The following BHLHA9 variants were observed in gnomAD, a reference collection of about 807,000 sequenced individuals.
BHLHA9 encodes the protein basic helix-loop-helix family member a9, also known as class A basic helix-loop-helix protein 9.
For synonymous variants in BHLHA9, 177 were observed against 179.7 expected (o/e 0.98, Z 0.12); for missense variants, 344 against 365.9 (o/e 0.94, Z 0.49).
rs1202809838 is a variant in BHLHA9, at chr17:1,271,684, C to G, written c.*413C>G. ...GGGAGCGTGGGAATGCGGGTGGGGCCTGCTGTGGTCTCGTGGGCACATGAG... is the reference window on the plus strand; with the variant it reads ...GGGAGCGTGGGAATGCGGGTGGGGCGTGCTGTGGTCTCGTGGGCACATGAG... On this transcript the variant is annotated 3_prime_UTR_variant, in exon 1 of 1. Coordinates refer to ENST00000391429, the MANE Select transcript of BHLHA9 (RefSeq NM_001164405.2). Among the ~76,000 whole-genome samples the G allele has an allele frequency of 6.6e-6, 1 of 152,270 alleles. No homozygotes were observed. The highest frequency in any genetic ancestry group is 1.9e-4 in the East Asian group (1 of 5,202).
At position 1,271,019 on chromosome 17, in the gene BHLHA9, C is replaced by T. The variant is rs1392817396; in HGVS notation, c.456C>T (p.Pro152=). 1 of 1,196,418 alleles carries T rather than the reference C, an allele frequency of 8.4e-7. No homozygotes were observed. Among genetic ancestry groups the T allele is most frequent in the African/African-American group, 1.6e-5 (1 of 62,596 alleles). 74.1% of individuals were successfully genotyped at this position (1,196,418 alleles called of 1,614,324 possible). The change falls in exon 1 of 1, where the codon CCC becomes CCT. Residue 152 remains proline, a synonymous_variant. Coordinates refer to ENST00000391429, the MANE Select transcript of BHLHA9 (RefSeq NM_001164405.2). ...ACACCGGGGACACAGGCGCCAGCCC[C>T]CCGCCGCCTGCAGGGCCCAGCCTCG... The part of the protein sequence containing the change: ...RGDTGDTGAS[P]PPPAGPSLAR...
In BHLHA9 at chr17:1,271,366, C is replaced by G; in HGVS notation, c.*95C>G. ...CAAAGGCGTCTTGGACAGAGCAGAA[C>G]TGGACCGGCTGAGACCTGGCGTGGA... On this transcript the variant is annotated 3_prime_UTR_variant, in exon 1 of 1. Coordinates refer to ENST00000391429, the MANE Select transcript of BHLHA9 (RefSeq NM_001164405.2). 1 of 883,884 alleles carries G rather than the reference C, an allele frequency of 1.1e-6. No homozygotes were observed. The highest frequency in any genetic ancestry group is 1.5e-6 in the Non-Finnish European group (1 of 658,254). The allele number at this position is 883,884 out of a possible 1,614,324, so 54.8% of individuals were successfully genotyped here. A position where few individuals can be genotyped will look rare whatever the true frequency, so the allele number is the denominator to read the frequency against.
Position 1,271,166 on chromosome 17 carries a change from C to T in BHLHA9, c.603C>T (p.Ser201=), listed in dbSNP as rs1049249975. 1.9e-5 allele frequency: 24 copies of T among 1,241,766 alleles called. 1 individual carries two copies. The South Asian group carries it at 5.6e-4, about 29-fold the overall frequency. The allele number at this position is 1,241,766 out of a possible 1,614,324, so 76.9% of individuals were successfully genotyped here. A position where few individuals can be genotyped will look rare whatever the true frequency, so the allele number is the denominator to read the frequency against. Residue 201 remains serine, a synonymous_variant, in exon 1 of 1, where the codon TCC becomes TCT. Transcript: ENST00000391429. ...AGGGGCCGGGCCTAGCACAGGCCTC[C>T]GGGGGAAGCTGGCGCCGCTGTCCGG... The part of the protein sequence containing the change: ...VAEGPGLAQA[S]GGSWRRCPGA...
rs969785953 is a variant in BHLHA9 at position 1,271,399 on chromosome 17, G to T, written c.*128G>T. On this transcript the variant is annotated 3_prime_UTR_variant, in exon 1 of 1. Transcript: ENST00000391429. The stretch of plus-strand genomic sequence containing the variant: ...GCTGAGACCTGGCGTGGAAGAGAAG[G>T]AGCTCGCCAGAGAGAAGGAGCTCCG... 2.0e-5 allele frequency: 13 copies of T among 660,736 alleles called. No homozygotes were observed. In the East Asian group the frequency reaches 2.1e-4, roughly 11 times the overall value. The allele number at this position is 660,736 out of a possible 1,614,324, so 40.9% of individuals were successfully genotyped here. A position where few individuals can be genotyped will look rare whatever the true frequency, so the allele number is the denominator to read the frequency against.
At position 1,271,022 on chromosome 17, in the gene BHLHA9, G is replaced by A; in HGVS notation, c.459G>A (p.Pro153=). The A allele has an allele frequency of 8.4e-7, 1 of 1,192,872 alleles. No homozygotes were observed. The highest frequency in any genetic ancestry group is 4.1e-5 in the South Asian group (1 of 24,288). 73.9% of individuals were successfully genotyped at this position (1,192,872 alleles called of 1,614,324 possible). Residue 153 remains proline (P), a synonymous_variant, in exon 1 of 1, where the codon CCG becomes CCA. Coordinates refer to ENST00000391429, the MANE Select transcript of BHLHA9 (RefSeq NM_001164405.2). ...CCGGGGACACAGGCGCCAGCCCCCC[G>A]CCGCCTGCAGGGCCCAGCCTCGCGC... is the stretch of plus-strand genomic sequence containing the variant. ...GDTGDTGASP[P]PPAGPSLARP... is the part of the protein sequence containing the mutation.
Position 1,270,801 on chromosome 17 carries a change from G to GA in BHLHA9, c.239dup (p.Asp80GlufsTer193). ...CGTGCGGGAGCGCAAGCGCATCCTA[G>GA]ACTACAACGAGGCCTTCAACGCGCT... On this transcript the variant is annotated frameshift_variant, in exon 1 of 1. Coordinates refer to ENST00000391429, the MANE Select transcript of BHLHA9 (RefSeq NM_001164405.2). LOFTEE classifies it low-confidence loss of function (END_TRUNC). The GA allele has an allele frequency of 6.8e-7, 1 of 1,475,234 alleles. No homozygotes were observed. The highest frequency in any genetic ancestry group is 8.9e-7 in the Non-Finnish European group (1 of 1,118,492). 91.4% of individuals were successfully genotyped at this position (1,475,234 alleles called of 1,614,324 possible).
Position 1,270,585 on chromosome 17 carries a change from C to T in BHLHA9, c.22C>T (p.Leu8=). 7.8e-7 allele frequency: 1 copy of T among 1,282,952 alleles called. No individual in the cohort carries two copies. Among genetic ancestry groups the T allele is most frequent in the South Asian group, 2.8e-5 (1 of 35,556 alleles). 79.5% of individuals were successfully genotyped at this position (1,282,952 alleles called of 1,614,324 possible). The change falls in exon 1 of 1, where the codon CTA becomes TTA. Residue 8 remains leucine (L), a synonymous_variant. Transcript: ENST00000391429. ...GGCCATGCTGCGGGGCGCGCCAGGA[C>T]TAGGCCTCACGGCGCGGAAGGGGGC... MLRGAPG[L]GLTARKGAED... is the part of the protein sequence containing the mutation.
Position 1,271,113 on chromosome 17 carries a change from C to T in BHLHA9, c.550C>T (p.Pro184Ser). ...CTGCGCCTCGTGCCCCCCGCACGCG[C>T]CCCTGGCACGGCCCAGTGCGGTGGC... ...PRCASCPPHA[P>S]LARPSAVAEG... Residue 184 changes from proline (P) to serine (S), a missense_variant, in exon 1 of 1, where the codon CCC (proline) becomes TCC (serine). Physicochemically the swap from Pro to Ser is moderately conservative, Grantham distance 74. Transcript: ENST00000391429. 8.1e-7 allele frequency: 1 copy of T among 1,238,240 alleles called. No individual in the cohort carries two copies. Among genetic ancestry groups the T allele is most frequent in the Non-Finnish European group, 1.0e-6 (1 of 994,406 alleles). 76.7% of individuals were successfully genotyped at this position (1,238,240 alleles called of 1,614,324 possible).
Position 1,270,821 on chromosome 17 carries a change from C to G in BHLHA9, c.258C>G (p.Asn86Lys). ...TCCTAGACTACAACGAGGCCTTCAA[C>G]GCGCTGCGCCGGGCGCTGCGGCACG... The part of the protein sequence containing the change: ...KRILDYNEAF[N>K]ALRRALRHDL... Residue 86 changes from asparagine to lysine, a missense_variant, in exon 1 of 1, where the codon AAC (asparagine) becomes AAG (lysine). Asn to Lys is a moderately conservative substitution (Grantham distance 94). Transcript: ENST00000391429. 1.4e-6 allele frequency: 2 copies of G among 1,475,742 alleles called. No individual in the cohort carries two copies. The highest frequency in any genetic ancestry group is 1.8e-6 in the Non-Finnish European group (2 of 1,119,058). The allele number at this position is 1,475,742 out of a possible 1,614,324, so 91.4% of individuals were successfully genotyped here.
rs1451548275 is a variant in BHLHA9, at chr17:1,271,247, C to T, written c.684C>T (p.Pro228=). ...CGCGGGGCTACCTGCGATCCGCCCCCGGGATGGGCCATCCGCGCTCCTGAC... is the reference window on the plus strand; with the variant it reads ...CGCGGGGCTACCTGCGATCCGCCCCTGGGATGGGCCATCCGCGCTCCTGAC... The part of the protein sequence containing the change: ...PWPRGYLRSA[P]GMGHPRS Residue 228 remains proline (P), a synonymous_variant, in exon 1 of 1, where the codon CCC becomes CCT. Transcript: ENST00000391429. 2.4e-6 allele frequency: 3 copies of T among 1,253,960 alleles called. No individual in the cohort carries two copies. Among genetic ancestry groups the T allele is most frequent in the African/African-American group, 1.6e-5 (1 of 64,438 alleles). The allele number at this position is 1,253,960 out of a possible 1,614,324, so 77.7% of individuals were successfully genotyped here.
rs2071881583 is a variant in BHLHA9 at position 1,271,240 on chromosome 17, C to G, written c.677C>G (p.Ser226Cys). Residue 226 changes from serine to cysteine, a missense_variant, in exon 1 of 1, where the codon TCC (serine) becomes TGC (cysteine). Transcript: ENST00000391429. ...CCCTGGCCGCGGGGCTACCTGCGAT[C>G]CGCCCCCGGGATGGGCCATCCGCGC... ...PPPWPRGYLR[S>C]APGMGHPRS 4 of 1,254,546 alleles carry G rather than the reference C, an allele frequency of 3.2e-6. No individual in the cohort carries two copies. The highest frequency in any genetic ancestry group is 2.0e-6 in the Non-Finnish European group (2 of 992,570). 77.7% of individuals were successfully genotyped at this position (1,254,546 alleles called of 1,614,324 possible). A position where few individuals can be genotyped will look rare whatever the true frequency, so the allele number is the denominator to read the frequency against.
In BHLHA9 at chr17:1,271,324, T is replaced by A; in HGVS notation, c.*53T>A. The A allele has an allele frequency of 8.5e-7, 1 of 1,180,038 alleles. No individual in the cohort carries two copies. Among genetic ancestry groups the A allele is most frequent in the Non-Finnish European group, 1.1e-6 (1 of 927,414 alleles). The allele number at this position is 1,180,038 out of a possible 1,614,324, so 73.1% of individuals were successfully genotyped here. On this transcript the variant is annotated 3_prime_UTR_variant, in exon 1 of 1. Transcript: ENST00000391429. ...AGGGAGGCCGGGCTGGCAGCTGGAC[T>A]ATAAAACCCGGGACTGCAAAGGCGT...
Position 1,270,462 on chromosome 17 carries a change from G to A in BHLHA9, c.-102G>A. The A allele has an allele frequency of 1.6e-6, 1 of 609,546 alleles. No individual in the cohort carries two copies. Among genetic ancestry groups the A allele is most frequent in the Non-Finnish European group, 2.4e-6 (1 of 418,338 alleles). The allele number at this position is 609,546 out of a possible 1,614,324, so 37.8% of individuals were successfully genotyped here. A position where few individuals can be genotyped will look rare whatever the true frequency, so the allele number is the denominator to read the frequency against. The stretch of plus-strand genomic sequence containing the variant: ...CTGTCTCGGGAGTGTCCAGCCCCAG[G>A]AGCCGGGGACCGTCCGCGTCGCGAG... On this transcript the variant is annotated 5_prime_UTR_variant, in exon 1 of 1. Coordinates refer to ENST00000391429, the MANE Select transcript of BHLHA9 (RefSeq NM_001164405.2).
In BHLHA9 at chr17:1,270,889, G is replaced by A. The variant is rs1287405642; in HGVS notation, c.326G>A (p.Arg109Lys). 2.1e-6 allele frequency: 3 copies of A among 1,459,444 alleles called. No individual in the cohort carries two copies. Among genetic ancestry groups the A allele is most frequent in the Non-Finnish European group, 2.7e-6 (3 of 1,110,058 alleles). 90.4% of individuals were successfully genotyped at this position (1,459,444 alleles called of 1,614,324 possible). A position where few individuals can be genotyped will look rare whatever the true frequency, so the allele number is the denominator to read the frequency against. Reference sequence around the variant, plus strand: ...CTCTCCAAGATCGCCACGCTGCGCAGGGCCATCCACCGCATCGCCGCGCTC... The same window carrying A: ...CTCTCCAAGATCGCCACGCTGCGCAAGGCCATCCACCGCATCGCCGCGCTC... The part of the protein sequence containing the change: ...KRLSKIATLR[R>K]AIHRIAALSL... Residue 109 changes from arginine to lysine, a missense_variant, in exon 1 of 1, where the codon AGG becomes AAG. Arg to Lys is a conservative substitution (Grantham distance 26). Coordinates refer to ENST00000391429, the MANE Select transcript of BHLHA9 (RefSeq NM_001164405.2).
At position 1,271,427 on chromosome 17, in the gene BHLHA9, AC is replaced by A; in HGVS notation, c.*159del. On this transcript the variant is annotated 3_prime_UTR_variant, in exon 1 of 1. Transcript: ENST00000391429. ...CTCGCCAGAGAGAAGGAGCTCCGGG[AC>A]CCGGGGTTGCGCCCCCACATCCCAG... The A allele has an allele frequency of 1.9e-6, 1 of 533,236 alleles. No individual in the cohort carries two copies. The highest frequency in any genetic ancestry group is 3.0e-6 in the Non-Finnish European group (1 of 338,048). The allele number at this position is 533,236 out of a possible 1,614,324, so 33.0% of individuals were successfully genotyped here. A position where few individuals can be genotyped will look rare whatever the true frequency, so the allele number is the denominator to read the frequency against.
chr17:1,271,195 C>T lies in BHLHA9; in HGVS notation c.632C>T (p.Ala211Val). 3 of 1,250,498 alleles carry T rather than the reference C, an allele frequency of 2.4e-6. No individual in the cohort carries two copies. The South Asian group carries it at 1.1e-4, about 46-fold the overall frequency. The allele number at this position is 1,250,498 out of a possible 1,614,324, so 77.5% of individuals were successfully genotyped here. ...SGGSWRRCPG[A>V]SSAGPPPWPR... ...GGAAGCTGGCGCCGCTGTCCGGGGG[C>T]TTCCTCTGCCGGGCCGCCTCCCTGG... The change falls in exon 1 of 1, where the codon GCT becomes GTT. Residue 211 changes from alanine to valine, a missense_variant. Coordinates refer to ENST00000391429, the MANE Select transcript of BHLHA9 (RefSeq NM_001164405.2).
At position 1,270,529 on chromosome 17, in the gene BHLHA9, G is replaced by C; in HGVS notation, c.-35G>C. 2 of 1,183,280 alleles carry C rather than the reference G, an allele frequency of 1.7e-6. No individual in the cohort carries two copies. Among genetic ancestry groups the C allele is most frequent in the Non-Finnish European group, 2.1e-6 (2 of 933,588 alleles). 73.3% of individuals were successfully genotyped at this position (1,183,280 alleles called of 1,614,324 possible). On this transcript the variant is annotated 5_prime_UTR_variant, in exon 1 of 1. Transcript: ENST00000391429. Reference sequence around the variant, plus strand: ...GGCAGAGGGCAGAGGGCAGAGGGCCGGGGCTGGGGCAGAGGGCGAGTGCCC... The same window carrying C: ...GGCAGAGGGCAGAGGGCAGAGGGCCCGGGCTGGGGCAGAGGGCGAGTGCCC...
Position 1,270,598 on chromosome 17 carries a change from C to T in BHLHA9, c.35C>T (p.Ala12Val). 7.8e-7 allele frequency: 1 copy of T among 1,283,526 alleles called. No homozygotes were observed. The highest frequency in any genetic ancestry group is 9.8e-7 in the Non-Finnish European group (1 of 1,020,574). The allele number at this position is 1,283,526 out of a possible 1,614,324, so 79.5% of individuals were successfully genotyped here. Residue 12 changes from alanine (A) to valine (V), a missense_variant, in exon 1 of 1, where the codon GCG becomes GTG. Transcript: ENST00000391429. ...LRGAPGLGLT[A>V]RKGAEDSAED... ...GGCGCGCCAGGACTAGGCCTCACGG[C>T]GCGGAAGGGGGCCGAGGACTCTGCG...
Position 1,271,443 on chromosome 17 carries a change from C to A in BHLHA9, c.*172C>A, listed in dbSNP as rs1215757058. On this transcript the variant is annotated 3_prime_UTR_variant, in exon 1 of 1. Coordinates refer to ENST00000391429, the MANE Select transcript of BHLHA9 (RefSeq NM_001164405.2). ...AGCTCCGGGACCCGGGGTTGCGCCC[C>A]CACATCCCAGCCTGGGGCAGAGAGA... is the stretch of plus-strand genomic sequence containing the variant. The A allele has an allele frequency of 1.3e-5, 6 of 456,410 alleles. No homozygotes were observed. The highest frequency in any genetic ancestry group is 2.2e-5 in the Non-Finnish European group (6 of 267,894). 28.3% of individuals were successfully genotyped at this position (456,410 alleles called of 1,614,324 possible).
Sources: gnomAD v4.1 joint callset for allele counts (sites outside exome capture counted in the v4.1 genomes callset) on GRCh38, gnomAD v4.1.1 for gene constraint, MANE v1.5 for transcripts, NCBI Gene and HGNC (gene_info 2026-07-23, HGNC 2026-07-21) for gene names.